CSMD2: variants seen among roughly 807,000 people sequenced by gnomAD.
The protein encoded by CSMD2 is CUB and sushi domain-containing protein 2.
In CSMD2, 130 loss-of-function variants were observed where a neutral mutation model predicts 398.5. The observed-to-expected ratio is 0.33, with a 90% CI of 0.28 to 0.38. CSMD2 has a LOEUF of 0.38. Among genes scored for constraint, CSMD2 ranks in the 10% least tolerant of loss-of-function variants. The probability of loss-of-function intolerance (pLI) is 1.00; values close to 1 mark genes in which losing one functional copy is unlikely to be tolerated. For synonymous variants in CSMD2, 1,828 were observed against 1,908.5 expected (o/e 0.96, Z 1.10); for missense variants, 3,829 against 4,764.9 (o/e 0.80, Z 5.78).
At position 33,709,940 on chromosome 1, in the gene CSMD2, T is replaced by A. The variant is rs142974229; in HGVS notation, c.3407-682A>T. On this transcript the variant is annotated intron_variant, in intron 21 of 70. Coordinates refer to ENST00000373381, the MANE Select transcript of CSMD2 (RefSeq NM_001281956.2). ...GTCCTGGGGAAAGTTTTTAGCATAGTCTCATTGCAGCCTGTTTCATTCAAC... is the reference window on the plus strand; with the variant it reads ...GTCCTGGGGAAAGTTTTTAGCATAGACTCATTGCAGCCTGTTTCATTCAAC... 5.3e-4 allele frequency among the ~76,000 whole-genome samples: 80 copies of A among 152,212 alleles called. 1 individual carries two copies. The highest frequency in any genetic ancestry group is 1.1e-3 in the Admixed American group (17 of 15,294).
At chr1:34,057,310 G>A (rs1487644986) in intron 2 of CSMD2, among the ~76,000 whole-genome samples, 1 of 152,116 alleles carries the variant, frequency 6.6e-6, no homozygotes, top group Non-Finnish European at 1.5e-5. Flanking sequence ...GCCCACCCAG[G>A]ATGCCACGCC....
chr1:34,118,383 G>A (rs1245526897), intron 1 of CSMD2, among the ~76,000 whole-genome samples: 2 of 152,170 alleles, frequency 1.3e-5, no homozygotes, highest in African/African-American at 4.8e-5. Context: ...TCTCTCACCA[G>A]TCTATTCGGT....
At chr1:33,909,584 A>G (rs1308209296) in intron 5 of CSMD2, among the ~76,000 whole-genome samples, 3 of 152,050 alleles carry the variant, frequency 2.0e-5, no homozygotes, top group African/African-American at 7.2e-5. Flanking sequence ...GAAGGGCCTG[A>G]GTAGTTTGTT....
At chr1:34,044,503 CTGAGGCTGTTGCTACAACAATCA>C (rs750423935) in intron 2 of CSMD2, among the ~76,000 whole-genome samples, 6 of 151,992 alleles carry the variant, frequency 3.9e-5, no homozygotes, top group African/African-American at 7.3e-5. Context: ...TATTATGAAG[CTGAGGCTGTTGCTACAACAATCA>C]TGAGGCTGTT....
At chr1:33,525,175 G>C in intron 65 of CSMD2, 132 bp from the exon 66 acceptor site, 2 of 945,548 alleles carry the variant, frequency 2.1e-6, no homozygotes, top group Non-Finnish European at 3.3e-6. Flanking sequence ...TGAGGAAGGT[G>C]GTAGAATGCT....
rs942985309 is a variant in CSMD2 at position 33,519,917 on chromosome 1, A to G, written c.10631T>C (p.Ile3544Thr). The G allele has an allele frequency of 3.1e-6, 5 of 1,614,132 alleles. No homozygotes were observed. Among genetic ancestry groups the G allele is most frequent in the African/African-American group, 2.7e-5 (2 of 75,062 alleles). The change falls in exon 69 of 71, where the codon ATT (isoleucine) becomes ACT (threonine). Residue 3544 changes from isoleucine (I) to threonine (T), a missense_variant. Ile to Thr is a moderately conservative substitution (Grantham distance 89). Coordinates refer to ENST00000373381, the MANE Select transcript of CSMD2 (RefSeq NM_001281956.2). The surrounding 1 kb of genome is among the most constrained non-coding windows in gnomAD (Gnocchi z 5.6). Reference protein sequence around the residue: ...LRLLESDPESIGRHFASNSSS... With the variant: ...LRLLESDPESTGRHFASNSSS... Reference sequence around the variant, plus strand: ...GCTGTTGGAAGCAAAGTGGCGGCCAATGGACTCGGGGTCTGACTCCAGCAG... The same window carrying G: ...GCTGTTGGAAGCAAAGTGGCGGCCAGTGGACTCGGGGTCTGACTCCAGCAG...
chr1:33,980,571 C>T (rs961490721), intron 3 of CSMD2, among the ~76,000 whole-genome samples: 4 of 152,118 alleles, frequency 2.6e-5, no homozygotes, highest in Admixed American at 6.5e-5. Flanking sequence ...TTATTTTCTT[C>T]GCTTGTGCCT....
intron 25 of CSMD2, among the ~76,000 whole-genome samples, chr1:33,680,713 G>T (rs1032726158): frequency 6.6e-6 from 1 of 151,986 alleles, no homozygotes; most frequent in Admixed American, 6.6e-5. Context: ...ATGAGGCCTG[G>T]AGCCTTGAAT....
chr1:33,914,370 CAG>C (rs1643615170), intron 5 of CSMD2, among the ~76,000 whole-genome samples: 2 of 149,998 alleles, frequency 1.3e-5, no homozygotes, highest in East Asian at 3.9e-4. Flanking sequence ...AGGTATGTGT[CAG>C]AGACGATTTG....
intron 27 of CSMD2, among the ~76,000 whole-genome samples, chr1:33,654,970 T>G (rs979524330): frequency 6.6e-6 from 1 of 152,262 alleles, no homozygotes; most frequent in Non-Finnish European, 1.5e-5. Context: ...CTCTTCTAGA[T>G]AGTTCCATGG....
At chr1:34,156,004 G>T (rs1453539533) in intron 1 of CSMD2, among the ~76,000 whole-genome samples, 4 of 152,188 alleles carry the variant, frequency 2.6e-5, no homozygotes, top group Non-Finnish European at 5.9e-5. Flanking sequence ...GCCAAACAAG[G>T]CCTTTCTCCT....
intron 3 of CSMD2, among the ~76,000 whole-genome samples, chr1:34,009,432 CTG>C: frequency 6.6e-6 from 1 of 152,182 alleles, no homozygotes; most frequent in Non-Finnish European, 1.5e-5. Context: ...CCAGGAGACA[CTG>C]TGCCGCCCTG....
At chr1:33,715,838 C>G (rs751261917) in intron 20 of CSMD2, among the ~76,000 whole-genome samples, 1 of 152,066 alleles carries the variant, frequency 6.6e-6, no homozygotes, top group Admixed American at 6.6e-5. Context: ...ATATCTATTA[C>G]TACAAAATTA....
intron 37 of CSMD2, among the ~76,000 whole-genome samples, chr1:33,619,666 G>A (rs1641635492): frequency 6.6e-6 from 1 of 152,222 alleles, no homozygotes; most frequent in South Asian, 2.1e-4. Context: ...ACCACAGAAC[G>A]TTGCTATCAC....
At chr1:33,556,389 G>T (rs890959626) in intron 55 of CSMD2, among the ~76,000 whole-genome samples, 4 of 152,150 alleles carry the variant, frequency 2.6e-5, no homozygotes, top group African/African-American at 7.2e-5. Context: ...CCACGAGGGC[G>T]TAAAAAAATG....
Position 33,636,341 on chromosome 1 carries a change from A to AT in CSMD2, c.4969+18dup, listed in dbSNP as rs140921704. ...GCCCTCAGTTCCTCAGACCCCTGCCATCCCCAGGCTTCCACCACCTGTGCA... is the reference window on the plus strand; with the variant it reads ...GCCCTCAGTTCCTCAGACCCCTGCCATTCCCCAGGCTTCCACCACCTGTGCA... On this transcript the variant is annotated intron_variant, in intron 30 of 70. Coordinates refer to ENST00000373381, the MANE Select transcript of CSMD2 (RefSeq NM_001281956.2). This position sits in a 1 kb window ranked among gnomAD's most constrained non-coding sequence, Gnocchi z 4.8. The AT allele has an allele frequency of 2.9e-4, 450 of 1,573,052 alleles. 2 individuals carry two copies. The African/African-American group carries it at 5.7e-3, about 20-fold the overall frequency.
intron 58 of CSMD2, 121 bp from the exon 59 acceptor site, chr1:33,541,430 TG>T: frequency 1.3e-6 from 1 of 756,106 alleles, no homozygotes; most frequent in South Asian, 1.7e-5. Flanking sequence ...AGGGATGCCC[TG>T]TCTCCTCACA....
intron 32 of CSMD2, among the ~76,000 whole-genome samples, chr1:33,628,668 CAA>C (rs35461345): frequency 0.18 from 14,764 of 83,728 alleles, 753 homozygotes; most frequent in East Asian, 0.28. Flanking sequence ...GACTCTGTCT[CAA>C]AAAAAAAAAA....
chr1:33,574,236 A>T (rs561173445), intron 49 of CSMD2, among the ~76,000 whole-genome samples: 17 of 152,234 alleles, frequency 1.1e-4, no homozygotes, highest in South Asian at 2.1e-4. Context: ...GAACTAACTC[A>T]AGAATACAAA....
Sources: gnomAD v4.1 joint callset for allele counts (sites outside exome capture counted in the v4.1 genomes callset) on GRCh38, gnomAD v4.1.1 for gene constraint, Gnocchi (gnomAD v3.1) non-coding constraint, MANE v1.5 for transcripts, NCBI Gene and HGNC (gene_info 2026-07-23, HGNC 2026-07-21) for gene names.